CYP27C1: variants seen among roughly 807,000 people sequenced by gnomAD.
The protein encoded by CYP27C1 is cytochrome P450 family 27 subfamily C member 1.
A neutral mutation model predicts 40.6 loss-of-function variants in CYP27C1; 29 were observed. The ratio of observed to expected loss-of-function variants is 0.71; its 90% confidence interval spans 0.53 to 0.97. The LOEUF (loss-of-function observed/expected upper bound fraction) is 0.97. Ranked by LOEUF, CYP27C1 falls within the 50% of genes least tolerant of loss-of-function variation. The pLI, the probability that CYP27C1 is intolerant of heterozygous loss-of-function variation, is 0.00. For synonymous variants in CYP27C1, 198 were observed against 186.8 expected, an observed-to-expected ratio of 1.06 and a Z score of -0.49; for missense variants, 390 against 485.8, an observed-to-expected ratio of 0.80 and a Z score of 1.85.
At chr2:127,193,398 C>T (rs1558926197) in intron 7 of CYP27C1, 101 bp from the exon 8 acceptor site, 8 of 1,410,928 alleles carry the variant, frequency 5.7e-6, no homozygotes, top group South Asian at 2.5e-5. Context: ...GGGGTGCTCC[C>T]GCCTGGGGGC....
chr2:127,203,502 G>T lies in CYP27C1; in HGVS notation c.543C>A (p.Ala181=). 6.2e-7 allele frequency: 1 copy of T among 1,613,880 alleles called. No homozygotes were observed. Among genetic ancestry groups the T allele is most frequent in the Non-Finnish European group, 8.5e-7 (1 of 1,179,984 alleles). ...RQRILKPKDV[A]IYSGEVNQVI... ...CTTGGTTGACTTCTCCAGAATAAATGGCCACATCTTTCGGTTTCAGAATTC... is the reference window on the plus strand; with the variant it reads ...CTTGGTTGACTTCTCCAGAATAAATTGCCACATCTTTCGGTTTCAGAATTC... Residue 181 remains alanine, a synonymous_variant, in exon 3 of 9, where the codon GCC becomes GCA. Transcript: ENST00000664447.
At chr2:127,204,523 A>AGAG (rs1683153468) in intron 2 of CYP27C1, among the ~76,000 whole-genome samples, 1 of 40,444 alleles carries the variant, frequency 2.5e-5, no homozygotes, top group Admixed American at 3.3e-4. Context: ...GAAGGAAAGA[A>AGAG]AGAAAGAAAG....
chr2:127,197,460 G>A (rs975562843), intron 5 of CYP27C1, among the ~76,000 whole-genome samples: 3 of 152,134 alleles, frequency 2.0e-5, no homozygotes, highest in South Asian at 2.1e-4. Flanking sequence ...ATTCAAGGCC[G>A]GGAAGCACCC....
In CYP27C1 at chr2:127,200,260, G is replaced by A. The variant is rs550122669; in HGVS notation, c.884-721C>T. 3.3e-5 allele frequency among the ~76,000 whole-genome samples: 5 copies of A among 152,328 alleles called. No individual in the cohort carries two copies. The highest frequency in any genetic ancestry group is 1.9e-4 in the East Asian group (1 of 5,182). On this transcript the variant is annotated intron_variant, in intron 4 of 8. Coordinates refer to ENST00000664447, the MANE Select transcript of CYP27C1 (RefSeq NM_001367502.1). The surrounding 1 kb of genome is among the most constrained non-coding windows in gnomAD (Gnocchi z 4.2). The stretch of plus-strand genomic sequence containing the variant: ...CTCCCAAAGTGCTGGGATTACAGGC[G>A]TGAGCCACTGCACCCAGCCTAAATA...
At chr2:127,211,881 C>T (rs1558934108) in intron 1 of CYP27C1, among the ~76,000 whole-genome samples, 1 of 151,716 alleles carries the variant, frequency 6.6e-6, no homozygotes, top group Non-Finnish European at 1.5e-5. Context: ...AAAAACCCTC[C>T]AAAAAAATCA....
At chr2:127,199,075 G>A (rs184325921) in intron 5 of CYP27C1, among the ~76,000 whole-genome samples, 8 of 152,264 alleles carry the variant, frequency 5.3e-5, no homozygotes, top group Admixed American at 1.3e-4. Context: ...ACCTGAGGCC[G>A]GGAGTTCGAG....
rs142764331 is a variant in CYP27C1 at position 127,185,704 on chromosome 2, G to C, written c.*1567C>G. On this transcript the variant is annotated 3_prime_UTR_variant, in exon 9 of 9. Transcript: ENST00000664447. The surrounding 1 kb of genome is among the most constrained non-coding windows in gnomAD (Gnocchi z 4.9). Reference sequence around the variant, plus strand: ...TGGATATTATGTCTATTTACTTAAGGGTTATTTTGCAGAGTGACTTACTAA... The same window carrying C: ...TGGATATTATGTCTATTTACTTAAGCGTTATTTTGCAGAGTGACTTACTAA... The C allele has an allele frequency of 1.1e-4, 16 of 152,116 alleles. No homozygotes were observed. The highest frequency in any genetic ancestry group is 3.9e-4 in the African/African-American group (16 of 41,474). 9.4% of individuals were successfully genotyped at this position (152,116 alleles called of 1,614,324 possible).
intron 8 of CYP27C1, among the ~76,000 whole-genome samples, chr2:127,189,963 G>A (rs1348168938): frequency 1.3e-5 from 2 of 152,154 alleles, no homozygotes; most frequent in Non-Finnish European, 2.9e-5. Context: ...GGTTATGCAA[G>A]TCTCACAAAA....
chr2:127,211,620 C>T (rs544183746), intron 1 of CYP27C1, among the ~76,000 whole-genome samples: 10 of 151,866 alleles, frequency 6.6e-5, no homozygotes, highest in Admixed American at 1.3e-4. Context: ...CTCCTGACCT[C>T]GTGATCCACC....
intron 1 of CYP27C1, among the ~76,000 whole-genome samples, chr2:127,211,475 C>T (rs931316523): frequency 2.7e-4 from 40 of 149,044 alleles, no homozygotes; most frequent in Admixed American, 7.5e-4. Flanking sequence ...CTCCGCCTCC[C>T]GGGTTCATGC....
At chr2:127,199,289 C>T (rs1207928459) in intron 5 of CYP27C1, 87 bp downstream of exon 5, 9 of 1,527,864 alleles carry the variant, frequency 5.9e-6, no homozygotes, top group South Asian at 2.5e-5. Flanking sequence ...TCCATCCTCC[C>T]GCTCCAAAAA....
chr2:127,204,578 A>G lies in CYP27C1; in HGVS notation c.474-1007T>C, dbSNP rs1043601538. ...GAGAGAAAGAAAGAAAGAAAGAAAG[A>G]AAGAAAGAAAGAAAGAAAGAAAGAA... On this transcript the variant is annotated intron_variant, in intron 2 of 8. Transcript: ENST00000664447. Among the ~76,000 whole-genome samples the G allele has an allele frequency of 1.3e-3, 106 of 84,164 alleles. 2 individuals carry two copies. The highest frequency in any genetic ancestry group is 5.3e-3 in the African/African-American group (102 of 19,130). 55.2% of individuals were successfully genotyped at this position (84,164 alleles called of 152,430 possible). A position where few individuals can be genotyped will look rare whatever the true frequency, so the allele number is the denominator to read the frequency against.
At position 127,200,291 on chromosome 2, in the gene CYP27C1, C is replaced by T. The variant is rs774780533; in HGVS notation, c.884-752G>A. ...CACTGCACCCAGCCTAAATATTGAT[C>T]TTGAAAAGACACCATGAAACACTTT... On this transcript the variant is annotated intron_variant, in intron 4 of 8. Transcript: ENST00000664447. This position sits in a 1 kb window ranked among gnomAD's most constrained non-coding sequence, Gnocchi z 4.2. Among the ~76,000 whole-genome samples the T allele has an allele frequency of 5.3e-5, 8 of 152,172 alleles. No individual in the cohort carries two copies. The highest frequency in any genetic ancestry group is 1.0e-4 in the Non-Finnish European group (7 of 68,016).
In CYP27C1 at chr2:127,218,628, A is replaced by C. The variant is rs1478929918; in HGVS notation, c.282+1361T>G. On this transcript the variant is annotated intron_variant, in intron 1 of 8. Transcript: ENST00000664447. The surrounding 1 kb of genome is among the most constrained non-coding windows in gnomAD (Gnocchi z 6.0). ...TAATGAGGGTTGGGGCTTCTCCCTC[A>C]CGTTCATTGACTGAATGGCTGATGG... 6.6e-6 allele frequency among the ~76,000 whole-genome samples: 1 copy of C among 152,152 alleles called. No individual in the cohort carries two copies. The highest frequency in any genetic ancestry group is 6.5e-5 in the Admixed American group (1 of 15,274).
intron 6 of CYP27C1, among the ~76,000 whole-genome samples, chr2:127,194,086 GC>G (rs553965165): frequency 1.2e-3 from 183 of 152,284 alleles, no homozygotes; most frequent in Non-Finnish European, 1.7e-3. Flanking sequence ...GACTCCCAAA[GC>G]AAAACATTTG....
At chr2:127,194,475 G>C (rs925407321) in intron 6 of CYP27C1, among the ~76,000 whole-genome samples, 7 of 152,108 alleles carry the variant, frequency 4.6e-5, no homozygotes, top group African/African-American at 1.4e-4. Context: ...TGCCGTGTTT[G>C]GGGGAAGGGA....
rs1346884648 is a variant in CYP27C1, at chr2:127,184,331, C to T, written c.*2940G>A. 6.6e-6 allele frequency: 1 copy of T among 151,906 alleles called. No homozygotes were observed. Among genetic ancestry groups the T allele is most frequent in the African/African-American group, 2.4e-5 (1 of 41,356 alleles). The allele number at this position is 151,906 out of a possible 1,614,324, so 9.4% of individuals were successfully genotyped here. On this transcript the variant is annotated 3_prime_UTR_variant, in exon 9 of 9. Transcript: ENST00000664447. ...ATTTGAATCTGATTCAAACGAAGTC[C>T]AGCATTGTACTTGGTTAATATGTCT...
At chr2:127,215,636 A>T (rs1377017171) in intron 1 of CYP27C1, among the ~76,000 whole-genome samples, 1 of 152,204 alleles carries the variant, frequency 6.6e-6, no homozygotes, top group African/African-American at 2.4e-5. Context: ...CTGGGAGGCC[A>T]AGGCAGGTGG....
chr2:127,217,036 G>A (rs960559311), intron 1 of CYP27C1, among the ~76,000 whole-genome samples: 1 of 152,170 alleles, frequency 6.6e-6, no homozygotes, highest in Non-Finnish European at 1.5e-5. Context: ...GTCTCTAAAG[G>A]GGCCCACTGA....
Sources: allele counts gnomAD v4.1 joint callset (sites outside exome capture counted in the v4.1 genomes callset), GRCh38; gene constraint gnomAD v4.1.1; non-coding constraint Gnocchi (gnomAD v3.1); transcripts MANE v1.5; gene names NCBI Gene and HGNC (gene_info 2026-07-23, HGNC 2026-07-21).